Variants in CORIN observed in about 807,000 individuals in gnomAD.
The protein encoded by CORIN is corin, serine peptidase, also known as atrial natriuretic peptide-converting enzyme.
CORIN carries 117 observed loss-of-function variants against 125.3 expected under a neutral mutation model. The observed-to-expected ratio is 0.93, with a 90% CI of 0.80 to 1.09. The LOEUF is 1.09. Ranked by LOEUF, CORIN falls within the 50% of genes least tolerant of loss-of-function variation. The pLI, the probability that CORIN is intolerant of heterozygous loss-of-function variation, is 0.00. For synonymous variants in CORIN, 450 were observed against 466.4 expected, an observed-to-expected ratio of 0.96 and a Z score of 0.45; for missense variants, 1,253 against 1,306.7, an observed-to-expected ratio of 0.96 and a Z score of 0.63.
At chr4:47,673,132 A>T (rs1383658238) in intron 10 of CORIN, among the ~76,000 whole-genome samples, 1 of 152,042 alleles carries the variant, frequency 6.6e-6, no homozygotes, top group Non-Finnish European at 1.5e-5. Context: ...TGAGGTCAGG[A>T]GTTTGAGACC....
chr4:47,825,898 T>C (rs999867572), intron 1 of CORIN, among the ~76,000 whole-genome samples: 1 of 151,814 alleles, frequency 6.6e-6, no homozygotes, highest in Non-Finnish European at 1.5e-5. Flanking sequence ...GAGACAGGGA[T>C]TCACCGTGTT....
intron 1 of CORIN, among the ~76,000 whole-genome samples, chr4:47,832,355 G>A (rs1310158563): frequency 6.6e-6 from 1 of 151,746 alleles, no homozygotes; most frequent in Non-Finnish European, 1.5e-5. Context: ...TCTGCTATAG[G>A]AAACCACTTC....
rs548735347 is a variant in CORIN at position 47,824,591 on chromosome 4, G to A, written c.63+13296C>T. Among the ~76,000 whole-genome samples, 387 of 152,142 alleles carry A rather than the reference G, an allele frequency of 2.5e-3. 3 individuals carry two copies. The highest frequency in any genetic ancestry group is 0.014 in the Middle Eastern group (4 of 294). ...CTCCCTTCAGCCTCCCAAAGTGCTG[G>A]GATTACAGCCATGAGCCACCATGCC... On this transcript the variant is annotated intron_variant, in intron 1 of 21. Transcript: ENST00000273857.
intron 1 of CORIN, among the ~76,000 whole-genome samples, chr4:47,810,328 CA>C (rs1350306790): frequency 1.3e-5 from 2 of 152,032 alleles, no homozygotes; most frequent in Non-Finnish European, 2.9e-5. Context: ...ACTGGGACAA[CA>C]GGTATGCACC....
intron 9 of CORIN, among the ~76,000 whole-genome samples, chr4:47,675,232 C>T (rs1301302504): frequency 6.6e-6 from 1 of 152,186 alleles, no homozygotes; most frequent in Non-Finnish European, 1.5e-5. Flanking sequence ...CCCATTCACT[C>T]TCTCCCCCAT....
chr4:47,648,334 T>G (rs1476215115), intron 13 of CORIN, among the ~76,000 whole-genome samples: 1 of 152,162 alleles, frequency 6.6e-6, no homozygotes, highest in Admixed American at 6.5e-5. Flanking sequence ...GGATACAGTG[T>G]TCCAAAAAAG....
At chr4:47,664,926 G>T in intron 11 of CORIN, 106 bp downstream of exon 11, 1 of 649,922 alleles carries the variant, frequency 1.5e-6, no homozygotes, top group Non-Finnish European at 2.7e-6. Context: ...TTTGATAAAT[G>T]CAGAGCTCCT....
chr4:47,625,675 G>A (rs1350227361), intron 17 of CORIN, among the ~76,000 whole-genome samples: 2 of 152,134 alleles, frequency 1.3e-5, no homozygotes, highest in Non-Finnish European at 2.9e-5. Context: ...GAGCTTCAGA[G>A]TCAGATATAT....
At chr4:47,716,918 A>C (rs1355709544) in intron 5 of CORIN, among the ~76,000 whole-genome samples, 9 of 152,192 alleles carry the variant, frequency 5.9e-5, no homozygotes, top group Admixed American at 2.6e-4. Context: ...CTGTTGGAAG[A>C]CATGTATATA....
chr4:47,721,586 C>T (rs2109798055), intron 5 of CORIN, among the ~76,000 whole-genome samples: 1 of 152,250 alleles, frequency 6.6e-6, no homozygotes, highest in South Asian at 2.1e-4. Context: ...TCATCTAAAC[C>T]TAATTATCTC....
chr4:47,628,624 C>T (rs1013869227), intron 16 of CORIN, among the ~76,000 whole-genome samples: 2 of 152,152 alleles, frequency 1.3e-5, no homozygotes, highest in Admixed American at 6.5e-5. Context: ...CCCATTTTCT[C>T]CATCCCCTAG....
chr4:47,782,316 C>T (rs1169729936), intron 3 of CORIN, among the ~76,000 whole-genome samples: 4 of 148,900 alleles, frequency 2.7e-5, no homozygotes, highest in Non-Finnish European at 5.9e-5. Flanking sequence ...ACCCAGGAGG[C>T]GAAGGTTGCA....
intron 16 of CORIN, among the ~76,000 whole-genome samples, chr4:47,635,142 T>G (rs1194672755): frequency 6.6e-6 from 1 of 152,170 alleles, no homozygotes. Flanking sequence ...AGAAGAAACA[T>G]TATAGTGACA....
At chr4:47,654,927 C>G (rs1723902556) in intron 12 of CORIN, among the ~76,000 whole-genome samples, 1 of 151,818 alleles carries the variant, frequency 6.6e-6, no homozygotes, top group South Asian at 2.1e-4. Context: ...TGCTTGAGGA[C>G]AGGAGAGGGG....
At chr4:47,606,024 A>C (rs1293107491) in intron 19 of CORIN, among the ~76,000 whole-genome samples, 1 of 152,136 alleles carries the variant, frequency 6.6e-6, no homozygotes, top group Non-Finnish European at 1.5e-5. Context: ...AATTTCAGGG[A>C]TATCAGAGGA....
At chr4:47,750,172 T>C (rs1487310770) in intron 4 of CORIN, among the ~76,000 whole-genome samples, 1 of 152,210 alleles carries the variant, frequency 6.6e-6, no homozygotes, top group Non-Finnish European at 1.5e-5. Flanking sequence ...GTCAGCATCT[T>C]CTGCGACCTC....
rs976677996 is a variant in CORIN, at chr4:47,744,564, T to C, written c.637A>G (p.Arg213Gly). 1.4e-5 allele frequency: 23 copies of C among 1,606,892 alleles called. No individual in the cohort carries two copies. The highest frequency in any genetic ancestry group is 2.0e-5 in the Non-Finnish European group (23 of 1,177,370). Residue 213 changes from arginine (R) to glycine (G), a missense_variant, in exon 5 of 22, where the codon AGG (arginine) becomes GGG (glycine). By Grantham distance (125) the Arg-to-Gly change is moderately radical. Transcript: ENST00000273857. The stretch of plus-strand genomic sequence containing the variant: ...TCTTTTGCAGCCTCACAGAAGGACC[T>C]ACAGGGCAGGAGTCCATGACTAAAA... ...GDDSHGLLPC[R>G]SFCEAAKEGC...
At chr4:47,599,524 T>C (rs1202788395) in intron 21 of CORIN, among the ~76,000 whole-genome samples, 2 of 152,188 alleles carry the variant, frequency 1.3e-5, no homozygotes, top group Non-Finnish European at 1.5e-5. Flanking sequence ...TTTGAGCACT[T>C]GCACTTTTCC....
At chr4:47,757,309 C>T (rs1729194502) in intron 4 of CORIN, among the ~76,000 whole-genome samples, 1 of 152,006 alleles carries the variant, frequency 6.6e-6, no homozygotes, top group Non-Finnish European at 1.5e-5. Flanking sequence ...ATAATAAATG[C>T]AGGGCCAGGA....
Sources: gnomAD v4.1 joint callset for allele counts (sites outside exome capture counted in the v4.1 genomes callset) on GRCh38, gnomAD v4.1.1 for gene constraint, MANE v1.5 for transcripts, NCBI Gene and HGNC (gene_info 2026-07-23, HGNC 2026-07-21) for gene names.